The following NCAPG2 variants were observed in gnomAD, a reference collection of about 807,000 sequenced individuals.
NCAPG2 encodes condensin-2 complex subunit G2.
Under a neutral mutation model 141.1 loss-of-function variants are expected in NCAPG2, and 53 were observed. The observed-to-expected ratio is 0.38, with a 90% confidence interval of 0.30 to 0.47. NCAPG2 has a LOEUF of 0.47. NCAPG2 is among the 20% of genes least tolerant of loss of function. The pLI is 0.99. For synonymous variants in NCAPG2, 499 were observed against 490.7 expected, an observed-to-expected ratio of 1.02 and a Z score of -0.22; for missense variants, 1,087 against 1,389.0, an observed-to-expected ratio of 0.78 and a Z score of 3.46.
At chr7:158,640,908 C>G (rs1830594305) in intron 27 of NCAPG2, 2 of 151,908 alleles carry the variant, frequency 1.3e-5, no homozygotes, top group Admixed American at 6.6e-5. Flanking sequence ...TCTGCTTATA[C>G]CTTAGCAAAA....
At chr7:158,660,423 TTTTTTTA>T (rs1442088866) in intron 16 of NCAPG2, among the ~76,000 whole-genome samples, 15 of 95,550 alleles carry the variant, frequency 1.6e-4, no homozygotes, top group Admixed American at 2.2e-4. Context: ...TTTTTTTTTT[TTTTTTTA>T]AAAGAGGCAG....
rs966922672 is a variant in NCAPG2 at position 158,652,338 on chromosome 7, T to G, written c.2889A>C (p.Glu963Asp). 6.2e-7 allele frequency: 1 copy of G among 1,613,972 alleles called. No homozygotes were observed. The highest frequency in any genetic ancestry group is 1.3e-5 in the African/African-American group (1 of 75,052). The change falls in exon 23 of 28, where the codon GAA (glutamate) becomes GAC (aspartate). Residue 963 changes from glutamate to aspartate, a missense_variant. Physicochemically the swap from Glu to Asp is conservative, Grantham distance 45. Transcript: ENST00000356309. ...GCTTCCTGAAGCTCCGTGCAATACA[T>G]TCCAACATTTTCTGAAATACTTTCT... ...TVQKVFQKML[E>D]CIARSFRKQP...
rs1294370525 is a variant in NCAPG2 at position 158,675,668 on chromosome 7, AG to A, written c.1147-13del. ...TCTTCTAAAAGGCTCTATAAGTAGG[AG>A]GGGAGAAAGGCTTAAAAACCTTGAC... On this transcript the variant is annotated splice_polypyrimidine_tract_variant and intron_variant, in intron 11 of 27. Coordinates refer to ENST00000356309, the MANE Select transcript of NCAPG2 (RefSeq NM_017760.7). 3 of 1,603,882 alleles carry A rather than the reference AG, an allele frequency of 1.9e-6. No homozygotes were observed. The highest frequency in any genetic ancestry group is 8.5e-7 in the Non-Finnish European group (1 of 1,177,600).
rs1414272245 is a variant in NCAPG2, at chr7:158,631,396, A to G, written c.*270T>C. On this transcript the variant is annotated 3_prime_UTR_variant, in exon 28 of 28. Transcript: ENST00000356309. ...TTTAAAAACAACCAGGTTTGCTAGA[A>G]AAGTGTTTTTTCTTGGAATCATGGA... 5 of 434,392 alleles carry G rather than the reference A, an allele frequency of 1.2e-5. No individual in the cohort carries two copies. Among genetic ancestry groups the G allele is most frequent in the African/African-American group, 2.1e-5 (1 of 48,272 alleles). The allele number at this position is 434,392 out of a possible 1,614,324, so 26.9% of individuals were successfully genotyped here.
Position 158,656,326 on chromosome 7 carries a change from G to C in NCAPG2, c.2322C>G (p.Arg774=). The change falls in exon 19 of 28, where the codon CGC becomes CGG. Residue 774 remains arginine, a synonymous_variant. Transcript: ENST00000356309. ...IEYLLTHPKN[R]ECLLSAPRKK... ...TCCGAGGAGCAGAGAGCAAGCACTCGCGGTTCTTTGGATGAGTCAGCAGAT... is the reference window on the plus strand; with the variant it reads ...TCCGAGGAGCAGAGAGCAAGCACTCCCGGTTCTTTGGATGAGTCAGCAGAT... 1 of 1,614,162 alleles carries C rather than the reference G, an allele frequency of 6.2e-7. No individual in the cohort carries two copies. Among genetic ancestry groups the C allele is most frequent in the South Asian group, 1.1e-5 (1 of 91,080 alleles).
chr7:158,685,578 A>G (rs1219130175), intron 8 of NCAPG2, among the ~76,000 whole-genome samples: 2 of 152,168 alleles, frequency 1.3e-5, no homozygotes, highest in African/African-American at 4.8e-5. Context: ...TCTCTAGATT[A>G]CTTATAATAC....
At chr7:158,700,076 T>C (rs1450142104) in intron 2 of NCAPG2, among the ~76,000 whole-genome samples, 2 of 152,208 alleles carry the variant, frequency 1.3e-5, no homozygotes, top group South Asian at 2.1e-4. Context: ...TCTTATCAAA[T>C]TGAACTATGG....
At chr7:158,660,725 T>C (rs1315570947) in intron 16 of NCAPG2, among the ~76,000 whole-genome samples, 1 of 152,198 alleles carries the variant, frequency 6.6e-6, no homozygotes, top group Non-Finnish European at 1.5e-5. Context: ...TAATGAGCTT[T>C]ACCATTTACT....
At chr7:158,658,149 T>TAAAAA (rs11444440) in intron 17 of NCAPG2, among the ~76,000 whole-genome samples, 189 bp downstream of exon 17, 2 of 97,476 alleles carry the variant, frequency 2.1e-5, no homozygotes, top group Non-Finnish European at 2.2e-5. Flanking sequence ...GAATGATCAA[T>TAAAAA]AAAAAAAAAA....
chr7:158,695,716 G>C (rs1041417705), intron 2 of NCAPG2, among the ~76,000 whole-genome samples: 9 of 152,246 alleles, frequency 5.9e-5, no homozygotes, highest in Non-Finnish European at 1.2e-4. Context: ...CACGACATTA[G>C]CAGTGACGGC....
At position 158,667,126 on chromosome 7, in the gene NCAPG2, C is replaced by T. The variant is rs568436237; in HGVS notation, c.1480-2376G>A. On this transcript the variant is annotated intron_variant, in intron 13 of 27. Transcript: ENST00000356309. ...TTCAAGGGAAATTAGCTTGCATGCT[C>T]GTCACAAACCTTTCCAGACACCTCA... The T allele has an allele frequency of 3.0e-6, 3 of 984,688 alleles. No individual in the cohort carries two copies. In the East Asian group the frequency reaches 3.4e-4, roughly 112 times the overall value. The allele number at this position is 984,688 out of a possible 1,614,324, so 61.0% of individuals were successfully genotyped here.
In NCAPG2 at chr7:158,689,833, T is replaced by C. The variant is rs1283653423; in HGVS notation, c.658A>G (p.Ile220Val). 3 of 1,580,110 alleles carry C rather than the reference T, an allele frequency of 1.9e-6. No homozygotes were observed. The highest frequency in any genetic ancestry group is 1.4e-5 in the African/African-American group (1 of 73,432). ...LLECFININY[I>V]KKEEGRRFLS... ...TACCTATTTACCTCTTCTTTCTTGA[T>C]ATAATTAATATTTATGAAGCACTCA... The change falls in exon 6 of 28, where the codon ATC becomes GTC. Residue 220 changes from isoleucine (I) to valine (V), a missense_variant. Transcript: ENST00000356309.
chr7:158,679,396 G>T (rs1469088383), intron 11 of NCAPG2, among the ~76,000 whole-genome samples: 1 of 152,208 alleles, frequency 6.6e-6, no homozygotes, highest in Non-Finnish European at 1.5e-5. Context: ...GGAAATAAAT[G>T]CCGCATCTTA....
At chr7:158,684,832 C>T (rs1368586162) in intron 8 of NCAPG2, among the ~76,000 whole-genome samples, 4 of 152,228 alleles carry the variant, frequency 2.6e-5, no homozygotes, top group Admixed American at 6.5e-5. Flanking sequence ...GGATTACAGG[C>T]GTGAGCTACC....
Position 158,631,215 on chromosome 7 carries a change from C to G in NCAPG2, c.*451G>C, listed in dbSNP as rs1829878972. 5.7e-6 allele frequency: 1 copy of G among 176,166 alleles called. No individual in the cohort carries two copies. The highest frequency in any genetic ancestry group is 1.4e-4 in the South Asian group (1 of 6,924). The allele number at this position is 176,166 out of a possible 1,614,324, so 10.9% of individuals were successfully genotyped here. On this transcript the variant is annotated 3_prime_UTR_variant, in exon 28 of 28. Transcript: ENST00000356309. Reference sequence around the variant, plus strand: ...TAGGCTGGTCTTGAACTCCTGACCTCAAGTGATCTATCTGCCTGCCTCAGC... The same window carrying G: ...TAGGCTGGTCTTGAACTCCTGACCTGAAGTGATCTATCTGCCTGCCTCAGC...
intron 27 of NCAPG2, among the ~76,000 whole-genome samples, chr7:158,643,747 A>G (rs147605079): frequency 3.5e-4 from 53 of 152,374 alleles, no homozygotes; most frequent in Non-Finnish European, 6.2e-4. Context: ...AGTCAAACAC[A>G]ATTCAAAACC....
intron 10 of NCAPG2, among the ~76,000 whole-genome samples, chr7:158,680,403 T>TGGACAGCCCA (rs1834376324): frequency 6.6e-6 from 1 of 152,210 alleles, no homozygotes; most frequent in Admixed American, 6.5e-5. Context: ...TGGACAGCCC[T>TGGACAGCCCA]GGACAGCCCA....
chr7:158,678,677 G>T (rs372917365), intron 11 of NCAPG2, among the ~76,000 whole-genome samples: 1 of 148,882 alleles, frequency 6.7e-6, no homozygotes, highest in African/African-American at 2.5e-5. Context: ...GACAGAGCAC[G>T]ACTCTGTCTC....
At chr7:158,684,626 TAAAG>T (rs1009857278) in intron 8 of NCAPG2, among the ~76,000 whole-genome samples, 4 of 152,210 alleles carry the variant, frequency 2.6e-5, no homozygotes, top group Non-Finnish European at 4.4e-5. Context: ...CTGAAAAACT[TAAAG>T]AGAGGGAGGG....
Sources: allele counts gnomAD v4.1 joint callset (sites outside exome capture counted in the v4.1 genomes callset), GRCh38; gene constraint gnomAD v4.1.1; transcripts MANE v1.5; gene names NCBI Gene and HGNC (gene_info 2026-07-23, HGNC 2026-07-21).